SLC24A4: variants seen among roughly 807,000 people sequenced by gnomAD.
The protein encoded by SLC24A4 is solute carrier family 24 member 4.
Under a neutral mutation model 79.0 loss-of-function variants are expected in SLC24A4, and 53 were observed. The ratio of observed to expected loss-of-function variants is 0.67; its 90% CI spans 0.54 to 0.84. The LOEUF (loss-of-function observed/expected upper bound fraction) is 0.84. SLC24A4 is among the 40% of genes least tolerant of loss of function. SLC24A4 has a pLI of 0.00. For missense variants in SLC24A4, 731 were observed against 822.0 expected, an observed-to-expected ratio of 0.89 and a Z score of 1.35; for synonymous variants, 323 against 323.8, an observed-to-expected ratio of 1.00 and a Z score of 0.03.
chr14:92,390,806 G>A (rs897442042), intron 2 of SLC24A4, among the ~76,000 whole-genome samples: 3 of 152,230 alleles, frequency 2.0e-5, no homozygotes, highest in South Asian at 2.1e-4. Context: ...TGACCAGGAC[G>A]ATGGTGTAGT....
At chr14:92,392,382 C>T (rs1889523510) in intron 2 of SLC24A4, among the ~76,000 whole-genome samples, 1 of 151,776 alleles carries the variant, frequency 6.6e-6, no homozygotes, top group African/African-American at 2.4e-5. Flanking sequence ...GTGGGAGCCT[C>T]GGGGTTTTTA....
At chr14:92,415,201 A>G (rs1595244545) in intron 2 of SLC24A4, among the ~76,000 whole-genome samples, 1 of 152,032 alleles carries the variant, frequency 6.6e-6, no homozygotes, top group African/African-American at 2.4e-5. Context: ...GAGTTGTGTC[A>G]CTCCCTGATC....
intron 2 of SLC24A4, among the ~76,000 whole-genome samples, chr14:92,352,092 T>C (rs1297640335): frequency 6.6e-6 from 1 of 151,986 alleles, no homozygotes; most frequent in Non-Finnish European, 1.5e-5. Flanking sequence ...CCATCAATAC[T>C]GTTGTAGGTG....
At chr14:92,415,944 C>CTT (rs1890958603) in intron 2 of SLC24A4, among the ~76,000 whole-genome samples, 1 of 152,112 alleles carries the variant, frequency 6.6e-6, no homozygotes, top group East Asian at 1.9e-4. Context: ...CCCGAGTCCC[C>CTT]AAAGTCATCC....
chr14:92,429,666 A>T (rs1188545666), intron 2 of SLC24A4, among the ~76,000 whole-genome samples: 4 of 152,208 alleles, frequency 2.6e-5, no homozygotes, highest in African/African-American at 9.6e-5. Flanking sequence ...AGGAGACCTT[A>T]GTCCTGAGAT....
intron 1 of SLC24A4, among the ~76,000 whole-genome samples, chr14:92,324,859 G>A (rs796282060): frequency 2.9e-4 from 44 of 152,280 alleles, no homozygotes; most frequent in African/African-American, 1.0e-3. Flanking sequence ...AGTTAGAAAG[G>A]CCGTCAACAT....
rs974682386 is a variant in SLC24A4 at position 92,497,210 on chromosome 14, C to T, written c.*3582C>T. On this transcript the variant is annotated 3_prime_UTR_variant, in exon 17 of 17. Coordinates refer to ENST00000532405, the MANE Select transcript of SLC24A4 (RefSeq NM_153646.4). ...ACAGACCTAAGCAGCTGATAATGCACCAAGCTTCCCTGACCAGGTGGGGTG... is the reference window on the plus strand; with the variant it reads ...ACAGACCTAAGCAGCTGATAATGCATCAAGCTTCCCTGACCAGGTGGGGTG... The T allele has an allele frequency of 7.2e-5, 11 of 152,296 alleles. No individual in the cohort carries two copies. The highest frequency in any genetic ancestry group is 2.6e-4 in the Admixed American group (4 of 15,290). The allele number at this position is 152,296 out of a possible 1,614,324, so 9.4% of individuals were successfully genotyped here.
At position 92,482,708 on chromosome 14, in the gene SLC24A4, G is replaced by A. The variant is rs777086614; in HGVS notation, c.1284G>A (p.Val428=). ...PEARGDKVKW[V]FTWPLIFLLC... ...CCAGAGGGGACAAGGTCAAGTGGGT[G>A]TTCACCTGGCCCCTCATCTTCCTCC... The change falls in exon 13 of 17, where the codon GTG becomes GTA. Residue 428 remains valine, a synonymous_variant. Transcript: ENST00000532405. 259 of 1,613,842 alleles carry A rather than the reference G, an allele frequency of 1.6e-4. No individual in the cohort carries two copies. The highest frequency in any genetic ancestry group is 9.3e-6 in the Non-Finnish European group (11 of 1,179,898).
intron 13 of SLC24A4, among the ~76,000 whole-genome samples, 184 bp from the exon 14 acceptor site, chr14:92,486,482 G>A (rs913878109): frequency 2.0e-5 from 3 of 152,094 alleles, no homozygotes; most frequent in South Asian, 2.1e-4. Flanking sequence ...CCATCCTTTG[G>A]CTTCTTAGCC....
At chr14:92,384,325 A>G (rs1889025864) in intron 2 of SLC24A4, among the ~76,000 whole-genome samples, 1 of 151,914 alleles carries the variant, frequency 6.6e-6, no homozygotes, top group Non-Finnish European at 1.5e-5. Flanking sequence ...AAGGGGAGGG[A>G]GTGTTGCGCA....
intron 2 of SLC24A4, among the ~76,000 whole-genome samples, chr14:92,365,436 C>A (rs959586409): frequency 1.1e-4 from 17 of 152,204 alleles, no homozygotes; most frequent in African/African-American, 4.1e-4. Context: ...GGGGCCAGCC[C>A]AGGAGGGCTT....
At chr14:92,383,222 G>A (rs1313448149) in intron 2 of SLC24A4, among the ~76,000 whole-genome samples, 1 of 152,198 alleles carries the variant, frequency 6.6e-6, no homozygotes, top group African/African-American at 2.4e-5. Flanking sequence ...TTCAAGTCTA[G>A]CCACAGCTGG....
rs866780240 is a variant in SLC24A4 at position 92,499,829 on chromosome 14, C to A, written c.*6201C>A. The A allele has an allele frequency of 7.1e-6, 1 of 141,196 alleles. No homozygotes were observed. The highest frequency in any genetic ancestry group is 2.7e-5 in the African/African-American group (1 of 37,650). The allele number at this position is 141,196 out of a possible 1,614,324, so 8.7% of individuals were successfully genotyped here. A position where few individuals can be genotyped will look rare whatever the true frequency, so the allele number is the denominator to read the frequency against. On this transcript the variant is annotated 3_prime_UTR_variant, in exon 17 of 17. Coordinates refer to ENST00000532405, the MANE Select transcript of SLC24A4 (RefSeq NM_153646.4). ...CCCCTGCACCCGGCCCAAGCAGTTGCTTCTTTTTTTCTCTTTTTTTTTTTT... is the reference window on the plus strand; with the variant it reads ...CCCCTGCACCCGGCCCAAGCAGTTGATTCTTTTTTTCTCTTTTTTTTTTTT...
At chr14:92,434,069 CTG>C in intron 3 of SLC24A4, 81 bp downstream of exon 3, 1 of 1,105,306 alleles carries the variant, frequency 9.0e-7, no homozygotes. Flanking sequence ...CGTGGCGTGT[CTG>C]AGATCTTTTA....
At chr14:92,485,895 C>G (rs1441848145) in intron 13 of SLC24A4, among the ~76,000 whole-genome samples, 2 of 152,158 alleles carry the variant, frequency 1.3e-5, no homozygotes, top group Admixed American at 6.5e-5. Context: ...TTTACTGGGG[C>G]ACTCTTACCT....
intron 12 of SLC24A4, chr14:92,462,867 C>T (rs1400891980): frequency 6.6e-6 from 1 of 152,244 alleles, no homozygotes; most frequent in Non-Finnish European, 1.5e-5. Flanking sequence ...ACAATGGCCT[C>T]TGACCCCAGA....
intron 14 of SLC24A4, among the ~76,000 whole-genome samples, chr14:92,491,390 A>G (rs1895662696): frequency 1.3e-5 from 2 of 152,214 alleles, no homozygotes; most frequent in Admixed American, 1.3e-4. Flanking sequence ...TGTTACTTCT[A>G]TAAAGACCCT....
chr14:92,378,121 G>A (rs545701257), intron 2 of SLC24A4, among the ~76,000 whole-genome samples: 1 of 152,184 alleles, frequency 6.6e-6, no homozygotes, highest in East Asian at 1.9e-4. Context: ...GTTGCGGGTG[G>A]CAATAGTTCA....
In SLC24A4 at chr14:92,456,407, CAG is replaced by C; in HGVS notation, c.1058_1059del (p.Arg353ThrfsTer11). The C allele has an allele frequency of 6.2e-7, 1 of 1,614,240 alleles. No individual in the cohort carries two copies. Among genetic ancestry groups the C allele is most frequent in the Non-Finnish European group, 8.5e-7 (1 of 1,180,040 alleles). On this transcript the variant is annotated frameshift_variant, in exon 12 of 17. Coordinates refer to ENST00000532405, the MANE Select transcript of SLC24A4 (RefSeq NM_153646.4). LOFTEE classifies it high-confidence loss of function. Reference protein sequence around the residue: ...MASRIIINERQRLINSANGVS... With the variant: ...MASRIIINERXRLINSANGVS... Reference sequence around the variant, plus strand: ...ATGTTGCCTCCTGTCCACACAGCGGCAGAGACTGATCAACTCGGCCAATGGTG... The same window carrying C: ...ATGTTGCCTCCTGTCCACACAGCGGCAGACTGATCAACTCGGCCAATGGTG...
Sources: gnomAD v4.1 joint callset for allele counts (sites outside exome capture counted in the v4.1 genomes callset) on GRCh38, gnomAD v4.1.1 for gene constraint, MANE v1.5 for transcripts, NCBI Gene and HGNC (gene_info 2026-07-23, HGNC 2026-07-21) for gene names.